Variants in TACC2 observed in about 807,000 individuals in gnomAD.
TACC2 encodes the protein transforming acidic coiled-coil containing protein 2.
In TACC2, 137 loss-of-function variants were observed where a neutral mutation model predicts 227.3. That is an observed-to-expected ratio of 0.60 (90% CI 0.52 to 0.69). TACC2 has a LOEUF of 0.69. Among genes scored for constraint, TACC2 ranks in the 30% least tolerant of loss-of-function variants. TACC2 has a pLI of 0.00. For synonymous variants in TACC2, 1,523 were observed against 1,487.5 expected (o/e 1.02, Z -0.55); for missense variants, 3,470 against 3,694.4 (o/e 0.94, Z 1.57).
chr10:122,127,324 G>A (rs751239696), intron 5 of TACC2, among the ~76,000 whole-genome samples: 2 of 152,172 alleles, frequency 1.3e-5, no homozygotes, highest in African/African-American at 2.4e-5. Context: ...CCCAGTGCCC[G>A]CCTTGGGGCT....
At chr10:122,035,586 ATTTT>A (rs1010417038) in intron 2 of TACC2, among the ~76,000 whole-genome samples, 1 of 152,066 alleles carries the variant, frequency 6.6e-6, no homozygotes, top group Non-Finnish European at 1.5e-5. Flanking sequence ...GGGGCTATTT[ATTTT>A]TTTATTATTG....
intron 7 of TACC2, among the ~76,000 whole-genome samples, chr10:122,176,073 TTCTCTCTC>T (rs55655832): frequency 0.024 from 2,176 of 92,300 alleles, 37 homozygotes; most frequent in Non-Finnish European, 0.032. Context: ...GAGCAAAACC[TTCTCTCTC>T]TCTCTCTCTC....
intron 11 of TACC2, among the ~76,000 whole-genome samples, chr10:122,217,846 T>C (rs2095442508): frequency 6.6e-6 from 1 of 152,168 alleles, no homozygotes; most frequent in Non-Finnish European, 1.5e-5. Context: ...CTCCAACCCA[T>C]TTTCTCCTCC....
Position 122,083,737 on chromosome 10 carries a change from A to C in TACC2, c.1237A>C (p.Thr413Pro). ...CCCTGAACCTTCCCTGCTCACTCCG[A>C]CTGAGGAAGCACATCCAGCTTCAAG... ...VSPEPSLLTP[T>P]EEAHPASSLA... The change falls in exon 4 of 23, where the codon ACT becomes CCT. Residue 413 changes from threonine to proline, a missense_variant. Transcript: ENST00000369005. The C allele has an allele frequency of 6.2e-7, 1 of 1,614,012 alleles. No individual in the cohort carries two copies. Among genetic ancestry groups the C allele is most frequent in the Non-Finnish European group, 8.5e-7 (1 of 1,180,026 alleles).
At chr10:122,165,303 A>G (rs1322076170) in intron 7 of TACC2, among the ~76,000 whole-genome samples, 2 of 152,164 alleles carry the variant, frequency 1.3e-5, no homozygotes, top group Non-Finnish European at 2.9e-5. Flanking sequence ...AAGTCCCTAT[A>G]GTGGAATTGA....
rs117734649 is a variant in TACC2, at chr10:122,085,300, T to C, written c.2800T>C (p.Ser934Pro). ...ESSLTEESEL[S>P]APTRQKLPAL... ...TTCTCTGACAGAAGAGTCAGAATTGTCAGCACCAACGAGACAGAAGTTGCC... is the reference window on the plus strand; with the variant it reads ...TTCTCTGACAGAAGAGTCAGAATTGCCAGCACCAACGAGACAGAAGTTGCC... Residue 934 changes from serine (S) to proline (P), a missense_variant, in exon 4 of 23, where the codon TCA becomes CCA. Transcript: ENST00000369005. The C allele has an allele frequency of 1.9e-5, 30 of 1,614,020 alleles. No homozygotes were observed. The highest frequency in any genetic ancestry group is 2.5e-5 in the Non-Finnish European group (30 of 1,180,030).
chr10:122,146,527 T>C (rs1485877890), intron 7 of TACC2, among the ~76,000 whole-genome samples: 1 of 151,944 alleles, frequency 6.6e-6, no homozygotes, highest in African/African-American at 2.4e-5. Flanking sequence ...GACTGGTGGC[T>C]TTATAAGAAG....
At chr10:122,202,576 TGTTTTGGTCA>T (rs2094903476) in intron 8 of TACC2, among the ~76,000 whole-genome samples, 1 of 149,404 alleles carries the variant, frequency 6.7e-6, no homozygotes, top group Non-Finnish European at 1.5e-5. Flanking sequence ...GGTTATTCCC[TGTTTTGGTCA>T]GTACATCATC....
chr10:122,058,341 C>T (rs2459096), intron 3 of TACC2, among the ~76,000 whole-genome samples: 86,431 of 151,900 alleles, frequency 0.57, 25,577 homozygotes, highest in Non-Finnish European at 0.65. Flanking sequence ...CGCTGCAAAG[C>T]GCGGAAGCGC....
At position 122,205,070 on chromosome 10, in the gene TACC2, T is replaced by C. The variant is rs74159090; in HGVS notation, c.5972-5327T>C. Reference sequence around the variant, plus strand: ...GCGGACTCTGCTGGGAACAATTTGGTTTATGTAAAGACACTTTAATTTCTT... The same window carrying C: ...GCGGACTCTGCTGGGAACAATTTGGCTTATGTAAAGACACTTTAATTTCTT... On this transcript the variant is annotated intron_variant, in intron 8 of 22. Coordinates refer to ENST00000369005, the MANE Select transcript of TACC2 (RefSeq NM_206862.4). The surrounding 1 kb of genome is among the most constrained non-coding windows in gnomAD (Gnocchi z 4.5). 0.023 allele frequency among the ~76,000 whole-genome samples: 3,560 copies of C among 152,280 alleles called. 160 individuals carry two copies. Among genetic ancestry groups the C allele is most frequent in the African/African-American group, 0.082 (3,401 of 41,536 alleles).
intron 2 of TACC2, among the ~76,000 whole-genome samples, chr10:122,045,945 C>T (rs142523577): frequency 1.4e-4 from 4 of 28,784 alleles, no homozygotes; most frequent in Admixed American, 4.9e-4. Context: ...GAGGCCAAGG[C>T]GCATGGATCA....
intron 3 of TACC2, among the ~76,000 whole-genome samples, chr10:122,064,676 G>T (rs1205884813): frequency 2.0e-5 from 3 of 152,158 alleles, no homozygotes; most frequent in Non-Finnish European, 4.4e-5. Context: ...AAATGCATAA[G>T]GTCATGTATC....
intron 8 of TACC2, among the ~76,000 whole-genome samples, chr10:122,197,265 T>C (rs777457662): frequency 6.6e-6 from 1 of 152,168 alleles, no homozygotes; most frequent in Non-Finnish European, 1.5e-5. Context: ...TGTCTCAAAA[T>C]AAACAAACAA....
In TACC2 at chr10:122,142,606, G is replaced by A. The variant is rs569876946; in HGVS notation, c.5700-966G>A. Among the ~76,000 whole-genome samples the A allele has an allele frequency of 1.2e-4, 19 of 152,306 alleles. 1 individual carries two copies. Among genetic ancestry groups the A allele is most frequent in the African/African-American group, 4.1e-4 (17 of 41,574 alleles). The stretch of plus-strand genomic sequence containing the variant: ...CGCACCCTGGACTCCTGCAATCTGG[G>A]AGCTCCCTGGAGGTGTTTACCCGCA... On this transcript the variant is annotated intron_variant, in intron 6 of 22. Transcript: ENST00000369005.
chr10:122,095,524 A>G (rs1314688057), intron 5 of TACC2, among the ~76,000 whole-genome samples: 1 of 152,106 alleles, frequency 6.6e-6, no homozygotes, highest in Non-Finnish European at 1.5e-5. Flanking sequence ...TCTCACCTCA[A>G]CCTGTAGGTG....
At chr10:122,089,263 A>G (rs60995025) in intron 5 of TACC2, among the ~76,000 whole-genome samples, 1 of 152,250 alleles carries the variant, frequency 6.6e-6, no homozygotes, top group African/African-American at 2.4e-5. Flanking sequence ...GAAACCCTAC[A>G]GCCCCTAGAT....
chr10:122,212,023 A>G (rs61647525), intron 9 of TACC2, among the ~76,000 whole-genome samples: 16,692 of 152,296 alleles, frequency 0.11, 959 homozygotes, highest in South Asian at 0.16. Flanking sequence ...GGGAGATCCC[A>G]TGGAAGGGGA....
Position 122,033,260 on chromosome 10 carries a change from TCTC to T in TACC2, c.33+11254_33+11256del, listed in dbSNP as rs1054089044. 167 of 667,816 alleles carry T rather than the reference TCTC, an allele frequency of 2.5e-4. 3 individuals are homozygous for T. The highest frequency in any genetic ancestry group is 1.6e-3 in the South Asian group (103 of 64,934). 41.4% of individuals were successfully genotyped at this position (667,816 alleles called of 1,614,324 possible). Reference sequence around the variant, plus strand: ...CATGTGCATTTATATATTTAGGTTTTCTCCTCCTCCCTCTTCCATTGCTTCTTC... The same window carrying T: ...CATGTGCATTTATATATTTAGGTTTTCTCCTCCCTCTTCCATTGCTTCTTC... On this transcript the variant is annotated intron_variant, in intron 2 of 22. Transcript: ENST00000369005.
chr10:122,105,784 C>A (rs1349169537), intron 5 of TACC2, among the ~76,000 whole-genome samples: 1 of 151,744 alleles, frequency 6.6e-6, no homozygotes, highest in Non-Finnish European at 1.5e-5. Context: ...CCACACCTGG[C>A]TAATTTTTTT....
Sources: allele counts gnomAD v4.1 joint callset (sites outside exome capture counted in the v4.1 genomes callset), GRCh38; gene constraint gnomAD v4.1.1; non-coding constraint Gnocchi (gnomAD v3.1); transcripts MANE v1.5; gene names NCBI Gene and HGNC (gene_info 2026-07-23, HGNC 2026-07-21).